PSMF1: variants seen among roughly 807,000 people sequenced by gnomAD.
PSMF1 encodes proteasome inhibitor subunit 1.
PSMF1 carries 30 observed loss-of-function variants against 29.3 expected under a neutral mutation model. That is an observed-to-expected ratio of 1.02 (90% CI 0.77 to 1.39). The LOEUF (loss-of-function observed/expected upper bound fraction) is 1.39. Among genes scored for constraint, PSMF1 ranks in the 40% most tolerant of loss-of-function variants. PSMF1 has a pLI of 0.00. For synonymous variants in PSMF1, 134 were observed against 139.7 expected (o/e 0.96, Z 0.29); for missense variants, 344 against 357.5 (o/e 0.96, Z 0.31).
At position 1,165,332 on chromosome 20, in the gene PSMF1, C is replaced by T. The variant is rs962950764; in HGVS notation, c.*252C>T. Reference sequence around the variant, plus strand: ...ACCATCAGCTCCTCCCCTTTCACCACCAGCTCCTCTCCACTTCCCAAGGGA... The same window carrying T: ...ACCATCAGCTCCTCCCCTTTCACCATCAGCTCCTCTCCACTTCCCAAGGGA... On this transcript the variant is annotated 3_prime_UTR_variant, in exon 7 of 7. Coordinates refer to ENST00000335877, the MANE Select transcript of PSMF1 (RefSeq NM_006814.5). 1.1e-5 allele frequency: 15 copies of T among 1,387,472 alleles called. No homozygotes were observed. In the South Asian group the frequency reaches 2.5e-4, roughly 23 times the overall value. 85.9% of individuals were successfully genotyped at this position (1,387,472 alleles called of 1,614,324 possible). A position where few individuals can be genotyped will look rare whatever the true frequency, so the allele number is the denominator to read the frequency against.
intron 1 of PSMF1, among the ~76,000 whole-genome samples, chr20:1,119,738 C>T (rs543946780): frequency 1.3e-5 from 2 of 152,316 alleles, no homozygotes; most frequent in Non-Finnish European, 2.9e-5. Context: ...TTTCCTGTCT[C>T]TTCCCTGTGA....
Position 1,118,685 on chromosome 20 carries a change from C to T in PSMF1, c.-89C>T, listed in dbSNP as rs1277176614. 3 of 1,430,236 alleles carry T rather than the reference C, an allele frequency of 2.1e-6. No individual in the cohort carries two copies. The highest frequency in any genetic ancestry group is 2.6e-5 in the South Asian group (2 of 76,674). 88.6% of individuals were successfully genotyped at this position (1,430,236 alleles called of 1,614,324 possible). On this transcript the variant is annotated 5_prime_UTR_variant, in exon 1 of 7. Transcript: ENST00000335877. ...GGCAAGAACCAGCGCAAGAGGGAAGCAGAGTTATAGCTACCCCGGCCGCGG... is the reference window on the plus strand; with the variant it reads ...GGCAAGAACCAGCGCAAGAGGGAAGTAGAGTTATAGCTACCCCGGCCGCGG...
chr20:1,115,825 C>T (rs990880766), upstream of PSMF1, among the ~76,000 whole-genome samples: 6 of 151,816 alleles, frequency 4.0e-5, no homozygotes, highest in African/African-American at 9.7e-5. Context: ...CTCTACCTCC[C>T]GGGTTCAAGC....
At chr20:1,157,071 C>T (rs1005913945) in intron 4 of PSMF1, among the ~76,000 whole-genome samples, 3 of 152,084 alleles carry the variant, frequency 2.0e-5, no homozygotes, top group East Asian at 1.9e-4. Flanking sequence ...ACTTGGAGTC[C>T]GATGTTCAAG....
At chr20:1,124,899 T>C (rs1209762439) in intron 1 of PSMF1, among the ~76,000 whole-genome samples, 4 of 152,234 alleles carry the variant, frequency 2.6e-5, no homozygotes, top group African/African-American at 9.6e-5. Context: ...GTGATTACCC[T>C]TGAAGGGGAA....
At chr20:1,161,496 A>G (rs2086666621) in intron 4 of PSMF1, 1 of 519,200 alleles carries the variant, frequency 1.9e-6, no homozygotes, top group Middle Eastern at 3.9e-4. Context: ...GTACCCAAGC[A>G]TCTCCAACAG....
upstream of PSMF1, chr20:1,118,600 C>T (rs910974691): frequency 5.7e-5 from 43 of 760,186 alleles, no homozygotes; most frequent in Admixed American, 1.3e-4. Flanking sequence ...GGGACTACTT[C>T]CGGCTTCCCC....
intron 4 of PSMF1, among the ~76,000 whole-genome samples, chr20:1,146,649 C>T (rs1176860029): frequency 6.6e-6 from 1 of 152,260 alleles, no homozygotes; most frequent in East Asian, 1.9e-4. Flanking sequence ...CCCACCTCTC[C>T]CCCCACGTCA....
chr20:1,166,918 T>G lies in PSMF1; in HGVS notation c.*1838T>G, dbSNP rs761218323. The G allele has an allele frequency of 3.3e-5, 5 of 152,192 alleles. No individual in the cohort carries two copies. Among genetic ancestry groups the G allele is most frequent in the African/African-American group, 9.7e-5 (4 of 41,436 alleles). The allele number at this position is 152,192 out of a possible 1,614,324, so 9.4% of individuals were successfully genotyped here. ...GACCATCAGATAGAAGCAGGGAAGG[T>G]AGATAACTTTTAGGACCTTGATGTG... On this transcript the variant is annotated 3_prime_UTR_variant, in exon 7 of 7. Transcript: ENST00000335877.
intron 3 of PSMF1, among the ~76,000 whole-genome samples, chr20:1,131,759 T>C (rs570798308): frequency 6.6e-6 from 1 of 152,316 alleles, no homozygotes; most frequent in East Asian, 1.9e-4. Flanking sequence ...CTGTGTCGGA[T>C]GAGATGGTAG....
At chr20:1,140,745 T>TA (rs942258820) in intron 4 of PSMF1, among the ~76,000 whole-genome samples, 1 of 152,212 alleles carries the variant, frequency 6.6e-6, no homozygotes, top group South Asian at 2.1e-4. Flanking sequence ...AAAGAGCTCT[T>TA]ACGACTGAAC....
chr20:1,160,030 A>G (rs1171656714), intron 4 of PSMF1, among the ~76,000 whole-genome samples: 1 of 152,186 alleles, frequency 6.6e-6, no homozygotes, highest in African/African-American at 2.4e-5. Context: ...ATTCCAAAGC[A>G]CATCTTTCAA....
At chr20:1,127,398 C>T in intron 2 of PSMF1, 28 bp from the exon 3 acceptor site, 1 of 1,527,310 alleles carries the variant, frequency 6.5e-7, no homozygotes, top group Non-Finnish European at 9.1e-7. Context: ...ATATCCCAGT[C>T]TCTCACTTTC....
chr20:1,144,065 G>A (rs965446887), intron 4 of PSMF1, among the ~76,000 whole-genome samples: 2 of 152,152 alleles, frequency 1.3e-5, no homozygotes, highest in Non-Finnish European at 2.9e-5. Context: ...TCCAGCCTGG[G>A]TGACAGAGCA....
chr20:1,143,890 A>T (rs1389639185), intron 4 of PSMF1, among the ~76,000 whole-genome samples: 2 of 152,152 alleles, frequency 1.3e-5, no homozygotes, highest in Non-Finnish European at 2.9e-5. Flanking sequence ...CAGGAATTCG[A>T]GATCAGCCTG....
At chr20:1,127,746 C>A (rs978934793) in intron 3 of PSMF1, among the ~76,000 whole-genome samples, 3 of 152,194 alleles carry the variant, frequency 2.0e-5, no homozygotes, top group Non-Finnish European at 2.9e-5. Context: ...GCAGTGGTGG[C>A]TGCAGAGTAG....
chr20:1,119,912 C>T (rs1261943572), intron 1 of PSMF1, among the ~76,000 whole-genome samples: 1 of 152,112 alleles, frequency 6.6e-6, no homozygotes, highest in Non-Finnish European at 1.5e-5. Flanking sequence ...TGAGATTTCA[C>T]CCTTCCTCTC....
At chr20:1,131,508 T>C (rs1356713581) in intron 3 of PSMF1, among the ~76,000 whole-genome samples, 1 of 152,076 alleles carries the variant, frequency 6.6e-6, no homozygotes, top group Non-Finnish European at 1.5e-5. Flanking sequence ...GGGAAAAAAA[T>C]GTGATCACCA....
intron 1 of PSMF1, among the ~76,000 whole-genome samples, chr20:1,124,763 T>A (rs2086133017): frequency 6.6e-6 from 1 of 152,204 alleles, no homozygotes; most frequent in South Asian, 2.1e-4. Context: ...AACTATCAAA[T>A]AAAAAAGGCA....
Sources: gnomAD v4.1 joint callset for allele counts (sites outside exome capture counted in the v4.1 genomes callset) on GRCh38, gnomAD v4.1.1 for gene constraint, MANE v1.5 for transcripts, NCBI Gene and HGNC (gene_info 2026-07-23, HGNC 2026-07-21) for gene names.